Variants in MSI2 observed in about 807,000 individuals in gnomAD.
The protein encoded by MSI2 is musashi RNA binding protein 2, also known as RNA-binding protein Musashi homolog 2.
MSI2 carries 17 observed loss-of-function variants against 45.6 expected under a neutral mutation model. That is an observed-to-expected ratio of 0.37 (90% confidence interval 0.26 to 0.56). MSI2 has a LOEUF of 0.56. Ranked by LOEUF, MSI2 falls within the 20% of genes least tolerant of loss-of-function variation. The pLI is 0.77. For synonymous variants in MSI2, 156 were observed against 158.2 expected (o/e 0.99, Z 0.11); for missense variants, 293 against 444.2 (o/e 0.66, Z 3.06).
chr17:57,560,274 A>T (rs887490552), intron 7 of MSI2, among the ~76,000 whole-genome samples: 1 of 151,708 alleles, frequency 6.6e-6, no homozygotes, highest in African/African-American at 2.4e-5. Flanking sequence ...CTTTTAAAAT[A>T]TTTTCTGGGG....
At chr17:57,637,336 C>G (rs1909913454) in intron 10 of MSI2, among the ~76,000 whole-genome samples, 2 of 152,238 alleles carry the variant, frequency 1.3e-5, no homozygotes, top group Admixed American at 1.3e-4. Flanking sequence ...GATATGTTGC[C>G]ACGTTCCTCC....
At chr17:57,326,459 A>T (rs769524162) in intron 5 of MSI2, among the ~76,000 whole-genome samples, 5 of 152,126 alleles carry the variant, frequency 3.3e-5, no homozygotes, top group Non-Finnish European at 5.9e-5. Context: ...GGGATAAGAG[A>T]TATAGGTCTG....
chr17:57,583,763 C>A (rs1237669330), intron 7 of MSI2, among the ~76,000 whole-genome samples: 1 of 152,134 alleles, frequency 6.6e-6, no homozygotes, highest in Non-Finnish European at 1.5e-5. Context: ...CATGAGCCAC[C>A]AAACCCAACC....
chr17:57,605,568 G>C (rs901505894), intron 8 of MSI2, among the ~76,000 whole-genome samples: 1 of 152,082 alleles, frequency 6.6e-6, no homozygotes, highest in Admixed American at 6.5e-5. Context: ...CACTAGGAGG[G>C]GCTGCCCCCC....
At chr17:57,323,350 G>C (rs1465367765) in intron 5 of MSI2, among the ~76,000 whole-genome samples, 2 of 152,204 alleles carry the variant, frequency 1.3e-5, no homozygotes, top group Non-Finnish European at 2.9e-5. Flanking sequence ...TTTTCCCATG[G>C]ACTTCTGGAC....
chr17:57,585,926 G>C (rs925960342), intron 7 of MSI2, among the ~76,000 whole-genome samples: 1 of 152,240 alleles, frequency 6.6e-6, no homozygotes, highest in Non-Finnish European at 1.5e-5. Flanking sequence ...CGCTGGGCGC[G>C]AGCTGCAGTC....
chr17:57,612,901 T>G (rs1169931723), intron 8 of MSI2, among the ~76,000 whole-genome samples: 1 of 152,192 alleles, frequency 6.6e-6, no homozygotes, highest in Non-Finnish European at 1.5e-5. Flanking sequence ...TGGGTAATTA[T>G]CTGTCTGCCT....
At chr17:57,450,654 G>C (rs2084999669) in intron 6 of MSI2, among the ~76,000 whole-genome samples, 1 of 106,838 alleles carries the variant, frequency 9.4e-6, no homozygotes, top group Non-Finnish European at 1.7e-5. Context: ...CTGGGTGACA[G>C]AGCAAGACTG....
chr17:57,379,006 A>C lies in MSI2; in HGVS notation c.313-22373A>C, dbSNP rs527459348. ...CGTGTGGGGTCTGCAGTCCTCTGAC[A>C]GGGTTCAGTTGCCTACCTGGGTCTA... On this transcript the variant is annotated intron_variant, in intron 5 of 13. Transcript: ENST00000284073. Among the ~76,000 whole-genome samples, 41 of 152,182 alleles carry C rather than the reference A, an allele frequency of 2.7e-4. 1 individual carries two copies. Among genetic ancestry groups the C allele is most frequent in the African/African-American group, 9.9e-4 (41 of 41,542 alleles).
chr17:57,346,135 A>T (rs117857970), intron 5 of MSI2, among the ~76,000 whole-genome samples: 128 of 152,196 alleles, frequency 8.4e-4, no homozygotes, highest in Non-Finnish European at 4.3e-4. Flanking sequence ...TTTACTTAAT[A>T]CTTTTCTTTT....
chr17:57,374,443 A>G (rs937413537), intron 5 of MSI2, among the ~76,000 whole-genome samples: 5 of 152,112 alleles, frequency 3.3e-5, no homozygotes, highest in Non-Finnish European at 5.9e-5. Flanking sequence ...TTTACCTTAT[A>G]CTATTGAGGA....
At chr17:57,389,479 C>T (rs1303369394) in intron 5 of MSI2, among the ~76,000 whole-genome samples, 1 of 152,172 alleles carries the variant, frequency 6.6e-6, no homozygotes. Context: ...CTCTCCCCTG[C>T]TAACCTTTAA....
At chr17:57,588,873 A>G (rs1165696717) in intron 7 of MSI2, among the ~76,000 whole-genome samples, 1 of 152,152 alleles carries the variant, frequency 6.6e-6, no homozygotes, top group African/African-American at 2.4e-5. Flanking sequence ...CAGGGGAGAG[A>G]ACACAGGGTC....
Position 57,503,806 on chromosome 17 carries a change from G to C in MSI2, c.406-25870G>C, listed in dbSNP as rs1044162599. Among the ~76,000 whole-genome samples the C allele has an allele frequency of 3.3e-5, 5 of 152,214 alleles. 1 individual carries two copies. In the South Asian group the frequency reaches 1.0e-3, roughly 32 times the overall value. On this transcript the variant is annotated intron_variant, in intron 6 of 13. Coordinates refer to ENST00000284073, the MANE Select transcript of MSI2 (RefSeq NM_138962.4). ...GTTGTCCAGGCTGGAGTGCAGTCGCGCAATCGCGGCTCACGACAACCTCCG... is the reference window on the plus strand; with the variant it reads ...GTTGTCCAGGCTGGAGTGCAGTCGCCCAATCGCGGCTCACGACAACCTCCG...
At chr17:57,687,768 C>CA (rs1324641565), downstream of MSI2, among the ~76,000 whole-genome samples, 1 of 151,880 alleles carries the variant, frequency 6.6e-6, no homozygotes, top group Non-Finnish European at 1.5e-5. Flanking sequence ...AGTAATAAAA[C>CA]AAAAAATATA....
chr17:57,344,849 G>A (rs752032839), intron 5 of MSI2, among the ~76,000 whole-genome samples: 54 of 152,290 alleles, frequency 3.5e-4, no homozygotes, highest in Non-Finnish European at 7.2e-4. Flanking sequence ...TGGATTACGA[G>A]GTCAGGAGTT....
intron 11 of MSI2, among the ~76,000 whole-genome samples, chr17:57,662,493 C>T (rs1452975488): frequency 6.6e-6 from 1 of 152,240 alleles, no homozygotes; most frequent in African/African-American, 2.4e-5. Flanking sequence ...CTGTCATTCT[C>T]ATTCCCATTT....
At chr17:57,418,928 A>G (rs2084345415) in intron 6 of MSI2, among the ~76,000 whole-genome samples, 1 of 152,240 alleles carries the variant, frequency 6.6e-6, no homozygotes, top group African/African-American at 2.4e-5. Context: ...CCTTTATTGA[A>G]AATTCAGTTA....
chr17:57,639,916 T>TA (rs1910123384), intron 10 of MSI2, among the ~76,000 whole-genome samples: 1 of 152,182 alleles, frequency 6.6e-6, no homozygotes, highest in Non-Finnish European at 1.5e-5. Context: ...TTTAGGTGTT[T>TA]AGCGTATAGT....
Sources: gnomAD v4.1 joint callset for allele counts (sites outside exome capture counted in the v4.1 genomes callset) on GRCh38, gnomAD v4.1.1 for gene constraint, MANE v1.5 for transcripts, NCBI Gene and HGNC (gene_info 2026-07-23, HGNC 2026-07-21) for gene names.